PRKG1: variants seen among roughly 807,000 people sequenced by gnomAD.
The protein encoded by PRKG1 is cGMP-dependent protein kinase 1.
PRKG1 carries 35 observed loss-of-function variants against 88.1 expected under a neutral mutation model. That is an observed-to-expected ratio of 0.40 (90% CI 0.30 to 0.53). PRKG1 has a LOEUF of 0.53. Ranked by LOEUF, PRKG1 falls within the 20% of genes least tolerant of loss-of-function variation. The pLI, the probability that PRKG1 is intolerant of heterozygous loss-of-function variation, is 0.59. For synonymous variants in PRKG1, 303 were observed against 292.5 expected, an observed-to-expected ratio of 1.04 and a Z score of -0.37; for missense variants, 540 against 839.8, an observed-to-expected ratio of 0.64 and a Z score of 4.41.
intron 2 of PRKG1, among the ~76,000 whole-genome samples, chr10:51,201,417 A>T (rs1431452467): frequency 6.6e-6 from 1 of 152,150 alleles, no homozygotes; most frequent in Non-Finnish European, 1.5e-5. Flanking sequence ...GTGCCGTCAC[A>T]CTCCAGCCTA....
At chr10:51,074,467 C>T, upstream of PRKG1, 15 of 1,464,722 alleles carry the variant, frequency 1.0e-5, no homozygotes, top group Non-Finnish European at 1.4e-5. Flanking sequence ...TGGCTTTGGT[C>T]TCAAGTAGGA....
chr10:51,229,281 G>C (rs1838773293), intron 2 of PRKG1, among the ~76,000 whole-genome samples: 1 of 152,150 alleles, frequency 6.6e-6, no homozygotes, highest in South Asian at 2.1e-4. Flanking sequence ...TTTTATAAAT[G>C]AGTGAATAAA....
intron 5 of PRKG1, among the ~76,000 whole-genome samples, chr10:51,919,859 G>C (rs900196564): frequency 6.6e-6 from 1 of 152,134 alleles, no homozygotes; most frequent in Non-Finnish European, 1.5e-5. Context: ...TATATCCCAA[G>C]TTTCCAGCAC....
At position 51,047,287 on chromosome 10, in the gene PRKG1, C is replaced by T. The variant is rs114919150; in HGVS notation, c.266+55643C>T. On this transcript the variant is annotated intron_variant, in intron 1 of 17. Transcript: ENST00000401604. ...TCCCAATTCTACCACTTACTTTGAC[C>T]TTAAAGCAAGTTACTTACATTCTGT... 1.5e-3 allele frequency among the ~76,000 whole-genome samples: 233 copies of T among 152,256 alleles called. 2 individuals are homozygous for T. Among genetic ancestry groups the T allele is most frequent in the African/African-American group, 5.6e-3 (231 of 41,538 alleles).
intron 7 of PRKG1, among the ~76,000 whole-genome samples, chr10:52,093,628 C>T (rs1847106189): frequency 6.6e-6 from 1 of 152,114 alleles, no homozygotes; most frequent in Non-Finnish European, 1.5e-5. Flanking sequence ...CATATTAATG[C>T]CTGCCTTGTT....
chr10:51,722,983 C>A (rs1842049041), intron 3 of PRKG1, among the ~76,000 whole-genome samples: 1 of 152,100 alleles, frequency 6.6e-6, no homozygotes, highest in Admixed American at 6.5e-5. Context: ...GCTCATCCAG[C>A]CCTTTGTTTA....
At chr10:52,150,016 T>G (rs969608544) in intron 8 of PRKG1, among the ~76,000 whole-genome samples, 2 of 151,576 alleles carry the variant, frequency 1.3e-5, no homozygotes, top group Non-Finnish European at 2.9e-5. Context: ...GGCATGGTGG[T>G]GGGTGCCTGT....
intron 2 of PRKG1, among the ~76,000 whole-genome samples, chr10:51,295,722 T>G (rs888276450): frequency 6.6e-6 from 1 of 152,130 alleles, no homozygotes; most frequent in African/African-American, 2.4e-5. Flanking sequence ...GTTGAATAGA[T>G]GTAGTGAGAA....
At chr10:51,206,354 G>T (rs897758046) in intron 2 of PRKG1, among the ~76,000 whole-genome samples, 2 of 151,860 alleles carry the variant, frequency 1.3e-5, no homozygotes, top group African/African-American at 2.4e-5. Context: ...TTAGCCAGGC[G>T]TGGGGGTGGG....
chr10:51,778,220 A>G (rs1266058555), intron 3 of PRKG1, among the ~76,000 whole-genome samples: 1 of 152,192 alleles, frequency 6.6e-6, no homozygotes, highest in Admixed American at 6.5e-5. Context: ...CTGTGAGGAT[A>G]TAGGAGTTAA....
chr10:51,703,853 T>C (rs2132419526), intron 3 of PRKG1, among the ~76,000 whole-genome samples: 1 of 152,258 alleles, frequency 6.6e-6, no homozygotes, highest in South Asian at 2.1e-4. Flanking sequence ...ATTGCAATCA[T>C]AGTTGCCAGG....
intron 5 of PRKG1, among the ~76,000 whole-genome samples, chr10:51,959,203 ATGT>A (rs1247215497): frequency 6.6e-6 from 1 of 152,198 alleles, no homozygotes; most frequent in Admixed American, 6.5e-5. Flanking sequence ...GACACTCAAC[ATGT>A]TGTGATAGTG....
intron 3 of PRKG1, among the ~76,000 whole-genome samples, chr10:51,537,605 T>C (rs1214511786): frequency 7.9e-5 from 12 of 151,996 alleles, no homozygotes. Context: ...GGCATGCACC[T>C]GTATCCCAGC....
chr10:51,542,073 A>T (rs1475558417), intron 3 of PRKG1, among the ~76,000 whole-genome samples: 2 of 152,024 alleles, frequency 1.3e-5, no homozygotes, highest in Non-Finnish European at 2.9e-5. Flanking sequence ...ATGACAGATG[A>T]GATTAAATTT....
At chr10:51,567,637 A>C (rs1220855361) in intron 3 of PRKG1, among the ~76,000 whole-genome samples, 1 of 152,094 alleles carries the variant, frequency 6.6e-6, no homozygotes, top group African/African-American at 2.4e-5. Flanking sequence ...CCCAGGCTGG[A>C]AGACAGTGAG....
chr10:51,700,220 T>G (rs1181154336), intron 3 of PRKG1, among the ~76,000 whole-genome samples: 1 of 152,186 alleles, frequency 6.6e-6, no homozygotes, highest in African/African-American at 2.4e-5. Flanking sequence ...CTGCCCCCAT[T>G]CTGTTGCTTC....
intron 9 of PRKG1, among the ~76,000 whole-genome samples, chr10:52,188,297 T>TAC (rs1554815509): frequency 9.0e-6 from 1 of 110,892 alleles, no homozygotes. Flanking sequence ...TGTGTATATA[T>TAC]ATATGTATAT....
intron 2 of PRKG1, among the ~76,000 whole-genome samples, chr10:51,194,480 G>C (rs1837711932): frequency 6.6e-6 from 1 of 151,892 alleles, no homozygotes; most frequent in Non-Finnish European, 1.5e-5. Context: ...CAAATTTTAT[G>C]GGAGTAATTA....
rs575070057 is a variant in PRKG1, at chr10:51,392,386, G to A, written c.479-75337G>A. Among the ~76,000 whole-genome samples, 654 of 152,088 alleles carry A rather than the reference G, an allele frequency of 4.3e-3. 4 individuals are homozygous for A. Among genetic ancestry groups the A allele is most frequent in the African/African-American group, 0.013 (552 of 41,478 alleles). Reference sequence around the variant, plus strand: ...TGTTTAACAAAGCACATCTTGCACCGCCCTTAATCCATTTAACCCTGAGTG... The same window carrying A: ...TGTTTAACAAAGCACATCTTGCACCACCCTTAATCCATTTAACCCTGAGTG... On this transcript the variant is annotated intron_variant, in intron 2 of 17. Transcript: ENST00000373980.
Sources: gnomAD v4.1 joint callset for allele counts (sites outside exome capture counted in the v4.1 genomes callset) on GRCh38, gnomAD v4.1.1 for gene constraint, MANE v1.5 for transcripts, NCBI Gene and HGNC (gene_info 2026-07-23, HGNC 2026-07-21) for gene names.